BCR: variants seen among roughly 807,000 people sequenced by gnomAD.
BCR encodes BCR activator of RhoGEF and GTPase.
Under a neutral mutation model 138.6 loss-of-function variants are expected in BCR, and 58 were observed. The observed-to-expected ratio is 0.42, with a 90% CI of 0.34 to 0.52. BCR has a LOEUF of 0.52. Ranked by LOEUF, BCR falls within the 20% of genes least tolerant of loss-of-function variation. The probability of loss-of-function intolerance (pLI) is 0.06; values close to 1 mark genes in which losing one functional copy is unlikely to be tolerated. For missense variants in BCR, 1,599 were observed against 1,727.2 expected (o/e 0.93, Z 1.32); for synonymous variants, 786 against 730.1 (o/e 1.08, Z -1.23).
chr22:23,181,462 C>T lies in BCR; in HGVS notation c.502C>T (p.Pro168Ser). 2 of 1,608,282 alleles carry T rather than the reference C, an allele frequency of 1.2e-6. No homozygotes were observed. Among genetic ancestry groups the T allele is most frequent in the South Asian group, 2.2e-5 (2 of 90,818 alleles). Reference protein sequence around the residue: ...FERIRKGHGQPGADAEKPFYV... With the variant: ...FERIRKGHGQSGADAEKPFYV... ...GCGGATCCGCAAGGGCCATGGCCAG[C>T]CCGGGGCGGACGCCGAGAAGCCCTT... is the stretch of plus-strand genomic sequence containing the variant. Residue 168 changes from proline to serine, a missense_variant, in exon 1 of 23, where the codon CCC becomes TCC. Physicochemically the swap from Pro to Ser is moderately conservative, Grantham distance 74. Transcript: ENST00000305877.
At position 23,316,444 on chromosome 22, in the gene BCR, C is replaced by G. The variant is rs1010740511; in HGVS notation, c.*922C>G. On this transcript the variant is annotated 3_prime_UTR_variant, in exon 23 of 23. Coordinates refer to ENST00000305877, the MANE Select transcript of BCR (RefSeq NM_004327.4). ...CGCTCAACTTTTGTATAAGTCTCCA[C>G]TTGGTGGCAGCAGCTTGCTGATGAC... 2 of 163,854 alleles carry G rather than the reference C, an allele frequency of 1.2e-5. No homozygotes were observed. Among genetic ancestry groups the G allele is most frequent in the African/African-American group, 6.3e-5 (2 of 31,524 alleles). The allele number at this position is 163,854 out of a possible 1,614,324, so 10.2% of individuals were successfully genotyped here. A position where few individuals can be genotyped will look rare whatever the true frequency, so the allele number is the denominator to read the frequency against.
intron 8 of BCR, 122 bp from the exon 9 acceptor site, chr22:23,283,855 T>C (rs1602102301): frequency 7.5e-7 from 1 of 1,330,004 alleles, no homozygotes; most frequent in Admixed American, 2.9e-5. Context: ...GTGGAGGGAG[T>C]GAAATCTTCC....
intron 4 of BCR, chr22:23,262,913 C>T (rs2073383809): frequency 3.6e-6 from 4 of 1,104,622 alleles, no homozygotes; most frequent in East Asian, 1.2e-4. Context: ...CGAGGACACG[C>T]CCAAGAGAGG....
intron 5 of BCR, 111 bp downstream of exon 5, chr22:23,268,626 T>C (rs545388825): frequency 3.2e-6 from 3 of 941,422 alleles, no homozygotes; most frequent in Admixed American, 2.2e-5. Context: ...GAACCCCAGC[T>C]GTTTCCAGAT....
At chr22:23,201,771 A>G (rs1250178691) in intron 1 of BCR, among the ~76,000 whole-genome samples, 1 of 152,074 alleles carries the variant, frequency 6.6e-6, no homozygotes, top group Non-Finnish European at 1.5e-5. Context: ...GGGTTTTTTG[A>G]AAAGCTCCCT....
In BCR at chr22:23,292,617, A is replaced by C. The variant is rs778682609; in HGVS notation, c.2859A>C (p.Thr953=). 5.6e-6 allele frequency: 9 copies of C among 1,612,484 alleles called. No homozygotes were observed. Among genetic ancestry groups the C allele is most frequent in the Non-Finnish European group, 7.6e-6 (9 of 1,179,052 alleles). ...CAAAGACGCGCGTCTACAGGGACAC[A>C]GCTGAGCCAAACTGGAACGAGGTGA... ...NKAKTRVYRD[T]AEPNWNEEFE... The change falls in exon 15 of 23, where the codon ACA becomes ACC. Residue 953 remains threonine, a synonymous_variant. Coordinates refer to ENST00000305877, the MANE Select transcript of BCR (RefSeq NM_004327.4).
At chr22:23,212,668 G>A (rs1231279651) in intron 1 of BCR, among the ~76,000 whole-genome samples, 1 of 152,190 alleles carries the variant, frequency 6.6e-6, no homozygotes, top group Non-Finnish European at 1.5e-5. Context: ...CTTGGCTTAT[G>A]GATTGTGCCT....
intron 1 of BCR, among the ~76,000 whole-genome samples, chr22:23,209,052 G>T (rs1338224253): frequency 6.6e-6 from 1 of 151,938 alleles, no homozygotes; most frequent in Non-Finnish European, 1.5e-5. Context: ...CGGTGTTGTA[G>T]CATGCATTAG....
At chr22:23,202,848 AT>A (rs1393077691) in intron 1 of BCR, among the ~76,000 whole-genome samples, 2 of 126,844 alleles carry the variant, frequency 1.6e-5, no homozygotes, top group Middle Eastern at 3.8e-3. Flanking sequence ...CATTCAGTGA[AT>A]TTTTTTGTGG....
At chr22:23,215,321 A>G (rs1299000614) in intron 1 of BCR, among the ~76,000 whole-genome samples, 1 of 152,178 alleles carries the variant, frequency 6.6e-6, no homozygotes, top group Non-Finnish European at 1.5e-5. Context: ...GACCCCTTGC[A>G]AACAGGTCTG....
chr22:23,237,460 A>G (rs899702658), intron 1 of BCR, among the ~76,000 whole-genome samples: 1 of 152,188 alleles, frequency 6.6e-6, no homozygotes, highest in African/African-American at 2.4e-5. Flanking sequence ...CGTGGGTGGT[A>G]ATTCCCACAT....
chr22:23,203,888 C>G (rs1212495170), intron 1 of BCR, among the ~76,000 whole-genome samples: 1 of 152,156 alleles, frequency 6.6e-6, no homozygotes. Flanking sequence ...TCCAAGGAAG[C>G]AGAAGGCCAT....
At chr22:23,210,976 A>C (rs930397120) in intron 1 of BCR, among the ~76,000 whole-genome samples, 14 of 152,122 alleles carry the variant, frequency 9.2e-5, no homozygotes, top group African/African-American at 3.4e-4. Context: ...ATTATCTCAG[A>C]GTTGTGCAGT....
At chr22:23,218,101 C>G (rs79233709) in intron 1 of BCR, among the ~76,000 whole-genome samples, 4,668 of 152,336 alleles carry the variant, frequency 0.031, 259 homozygotes, top group African/African-American at 0.11. Flanking sequence ...CCTCCCCTCA[C>G]TGTTCTCTTC....
chr22:23,268,640 G>A (rs1227906472), intron 5 of BCR, 125 bp downstream of exon 5: 9 of 861,862 alleles, frequency 1.0e-5, no homozygotes, highest in African/African-American at 1.7e-5. Flanking sequence ...TCCAGATTCT[G>A]TTGGGTTCGT....
At chr22:23,242,791 C>CA (rs2073108533) in intron 1 of BCR, 1 of 447,202 alleles carries the variant, frequency 2.2e-6, no homozygotes. Flanking sequence ...TAGTGGCTTA[C>CA]AACAACAAAC....
At chr22:23,243,386 C>T (rs2073119893) in intron 1 of BCR, among the ~76,000 whole-genome samples, 1 of 152,184 alleles carries the variant, frequency 6.6e-6, no homozygotes, top group African/African-American at 2.4e-5. Flanking sequence ...CTGAACTGAT[C>T]ATCAGTGGCC....
chr22:23,292,519 C>T (rs779598291), intron 14 of BCR, 22 bp from the exon 15 acceptor site: 1 of 1,578,380 alleles, frequency 6.3e-7, no homozygotes, highest in Non-Finnish European at 8.7e-7. Flanking sequence ...GTGACCTTCT[C>T]CATGTCCACT....
rs2073469939 is a variant in BCR, at chr22:23,268,391, T to C, written c.1753-17T>C. 6.3e-7 allele frequency: 1 copy of C among 1,595,062 alleles called. No homozygotes were observed. Among genetic ancestry groups the C allele is most frequent in the Non-Finnish European group, 8.6e-7 (1 of 1,168,576 alleles). On this transcript the variant is annotated splice_polypyrimidine_tract_variant and intron_variant, in intron 4 of 22. Coordinates refer to ENST00000305877, the MANE Select transcript of BCR (RefSeq NM_004327.4). ...CAGCAGCACCTGTCCCACTCTCTCT[T>C]CCTTCCTCCCCCTCAGGCCAGCCAG...
Sources: allele counts gnomAD v4.1 joint callset (sites outside exome capture counted in the v4.1 genomes callset), GRCh38; gene constraint gnomAD v4.1.1; transcripts MANE v1.5; gene names NCBI Gene and HGNC (gene_info 2026-07-23, HGNC 2026-07-21).